CDC42BPA: variants seen among roughly 807,000 people sequenced by gnomAD.
CDC42BPA encodes CDC42 binding protein kinase alpha.
Under a neutral mutation model 223.5 loss-of-function variants are expected in CDC42BPA, and 80 were observed. The observed-to-expected ratio is 0.36, with a 90% confidence interval of 0.30 to 0.43. The LOEUF is 0.43. CDC42BPA is among the 20% of genes least tolerant of loss of function. The pLI is 1.00. For synonymous variants in CDC42BPA, 694 were observed against 718.6 expected (o/e 0.97, Z 0.55); for missense variants, 1,743 against 2,099.9 (o/e 0.83, Z 3.32).
At chr1:227,270,430 G>A (rs913730567) in intron 1 of CDC42BPA, among the ~76,000 whole-genome samples, 2 of 152,050 alleles carry the variant, frequency 1.3e-5, no homozygotes, top group Non-Finnish European at 2.9e-5. Flanking sequence ...ATGGCATCTG[G>A]GGTCAGACAA....
chr1:227,300,755 T>G (rs1691492048), intron 1 of CDC42BPA, among the ~76,000 whole-genome samples: 1 of 152,160 alleles, frequency 6.6e-6, no homozygotes, highest in African/African-American at 2.4e-5. Context: ...TGTACTAAAA[T>G]CTTGGACTTC....
chr1:227,106,309 T>C (rs2149348616), intron 14 of CDC42BPA, among the ~76,000 whole-genome samples: 1 of 152,306 alleles, frequency 6.6e-6, no homozygotes, highest in South Asian at 2.1e-4. Flanking sequence ...GTTGTTGAGC[T>C]GTAGTTCTTC....
chr1:227,240,395 C>T (rs979624156), intron 2 of CDC42BPA, among the ~76,000 whole-genome samples: 2 of 152,008 alleles, frequency 1.3e-5, no homozygotes, highest in African/African-American at 2.4e-5. Flanking sequence ...CATCAGTAGG[C>T]TTTTATAAAA....
chr1:227,154,715 A>G (rs145726283), intron 6 of CDC42BPA, among the ~76,000 whole-genome samples: 1 of 152,254 alleles, frequency 6.6e-6, no homozygotes, highest in African/African-American at 2.4e-5. Context: ...ATTAACAGAC[A>G]TAAAACCTGA....
intron 1 of CDC42BPA, among the ~76,000 whole-genome samples, chr1:227,295,070 A>T (rs1572917511): frequency 1.3e-5 from 2 of 152,090 alleles, no homozygotes; most frequent in African/African-American, 2.4e-5. Flanking sequence ...TCTGCTTTTT[A>T]AAAAAATGTT....
At chr1:227,019,330 C>T (rs751831641) in intron 32 of CDC42BPA, among the ~76,000 whole-genome samples, 4 of 152,160 alleles carry the variant, frequency 2.6e-5, no homozygotes, top group Non-Finnish European at 5.9e-5. Flanking sequence ...GTCTCCACTT[C>T]TAATTCTAGT....
rs576755617 is a variant in CDC42BPA at position 227,268,689 on chromosome 1, C to T, written c.179-14534G>A. On this transcript the variant is annotated intron_variant, in intron 1 of 36. Coordinates refer to ENST00000366766, the MANE Select transcript of CDC42BPA (RefSeq NM_001394014.1). ...ATACATATATATATATACACACACA[C>T]ACTTTTTTTTTTTAAAGACAGGGTC... Among the ~76,000 whole-genome samples the T allele has an allele frequency of 2.2e-3, 293 of 132,152 alleles. 1 individual carries two copies. The Middle Eastern group carries it at 0.025, about 11-fold the overall frequency. The allele number at this position is 132,152 out of a possible 152,430, so 86.7% of individuals were successfully genotyped here. A position where few individuals can be genotyped will look rare whatever the true frequency, so the allele number is the denominator to read the frequency against.
intron 4 of CDC42BPA, among the ~76,000 whole-genome samples, chr1:227,197,804 A>C (rs1270126633): frequency 1.3e-5 from 2 of 152,204 alleles, no homozygotes; most frequent in East Asian, 3.8e-4. Context: ...ATACATTGCT[A>C]TAATTTTTCT....
At chr1:227,256,940 T>TACACACACACACACACAC (rs1160019576) in intron 1 of CDC42BPA, among the ~76,000 whole-genome samples, 1 of 117,526 alleles carries the variant, frequency 8.5e-6, no homozygotes, top group African/African-American at 3.1e-5. Flanking sequence ...ATGTGATATA[T>TACACACACACACACACAC]ATATACAGAC....
intron 1 of CDC42BPA, among the ~76,000 whole-genome samples, chr1:227,261,243 G>C (rs1286847272): frequency 6.7e-6 from 1 of 149,692 alleles, no homozygotes; most frequent in Non-Finnish European, 1.5e-5. Flanking sequence ...AGCCTCTTAA[G>C]TAGCTGTAAT....
intron 5 of CDC42BPA, among the ~76,000 whole-genome samples, chr1:227,174,435 C>T (rs1167826185): frequency 3.3e-5 from 5 of 152,048 alleles, no homozygotes; most frequent in African/African-American, 9.7e-5. Context: ...AAGAAATCAG[C>T]GCAAAGCTCT....
Position 227,069,773 on chromosome 1 carries a change from T to C in CDC42BPA, c.2904+4A>G, listed in dbSNP as rs1677895500. Reference sequence around the variant, plus strand: ...AGAGGATATGTGACATGTTTAATACTTACTTCAAATTGATCCAGAGCATCG... The same window carrying C: ...AGAGGATATGTGACATGTTTAATACCTACTTCAAATTGATCCAGAGCATCG... On this transcript the variant is annotated splice_donor_region_variant and intron_variant, in intron 21 of 36. Transcript: ENST00000366766. The C allele has an allele frequency of 1.3e-6, 2 of 1,596,082 alleles. No individual in the cohort carries two copies. The highest frequency in any genetic ancestry group is 1.7e-6 in the Non-Finnish European group (2 of 1,164,398).
At chr1:227,083,741 A>T (rs1012299512) in intron 16 of CDC42BPA, among the ~76,000 whole-genome samples, 2 of 152,186 alleles carry the variant, frequency 1.3e-5, no homozygotes, top group African/African-American at 2.4e-5. Flanking sequence ...GTAAAGATAG[A>T]TCAAAGATTG....
At chr1:227,146,733 A>G (rs532651788) in intron 7 of CDC42BPA, among the ~76,000 whole-genome samples, 1 of 152,134 alleles carries the variant, frequency 6.6e-6, no homozygotes, top group Non-Finnish European at 1.5e-5. Context: ...TAACGTTAGA[A>G]TAGGTATCCT....
At chr1:227,146,637 T>G (rs1446931437) in intron 7 of CDC42BPA, among the ~76,000 whole-genome samples, 2 of 152,158 alleles carry the variant, frequency 1.3e-5, no homozygotes, top group African/African-American at 4.8e-5. Context: ...GAACAGTCTA[T>G]TTCACTTAGT....
intron 11 of CDC42BPA, among the ~76,000 whole-genome samples, chr1:227,127,005 G>A (rs1689790143): frequency 6.6e-6 from 1 of 152,108 alleles, no homozygotes; most frequent in South Asian, 2.1e-4. Flanking sequence ...ATGATTGTCA[G>A]AATTAAAAAT....
intron 6 of CDC42BPA, among the ~76,000 whole-genome samples, chr1:227,149,119 C>T (rs753128120): frequency 2.2e-4 from 34 of 152,162 alleles, no homozygotes; most frequent in Non-Finnish European, 3.1e-4. Context: ...GTAAGAAAAA[C>T]GGTACATTAT....
intron 11 of CDC42BPA, among the ~76,000 whole-genome samples, chr1:227,124,277 A>C (rs749443646): frequency 3.9e-5 from 6 of 152,198 alleles, no homozygotes; most frequent in Admixed American, 6.5e-5. Context: ...ATTGGAGAAC[A>C]CTGCTGCTGG....
intron 11 of CDC42BPA, among the ~76,000 whole-genome samples, chr1:227,122,325 CAT>C (rs909121969): frequency 1.1e-3 from 163 of 152,274 alleles, no homozygotes; most frequent in Middle Eastern, 3.4e-3. Context: ...TCTTCTCTAA[CAT>C]GTTGTTTTTT....
Sources: allele counts gnomAD v4.1 joint callset (sites outside exome capture counted in the v4.1 genomes callset), GRCh38; gene constraint gnomAD v4.1.1; transcripts MANE v1.5; gene names NCBI Gene and HGNC (gene_info 2026-07-23, HGNC 2026-07-21).